CTNNA2: variants seen among roughly 807,000 people sequenced by gnomAD.
CTNNA2 encodes the protein catenin alpha 2.
CTNNA2 carries 42 observed loss-of-function variants against 101.0 expected under a neutral mutation model. That is an observed-to-expected ratio of 0.42 (90% CI 0.32 to 0.54). The LOEUF (loss-of-function observed/expected upper bound fraction) is 0.54. Ranked by LOEUF, CTNNA2 falls within the 20% of genes least tolerant of loss-of-function variation. The pLI, the probability that CTNNA2 is intolerant of heterozygous loss-of-function variation, is 0.14. For missense variants in CTNNA2, 871 were observed against 1,223.1 expected (o/e 0.71, Z 4.29); for synonymous variants, 450 against 456.4 (o/e 0.99, Z 0.18).
At chr2:80,288,825 C>T (rs1424624203) in intron 7 of CTNNA2, 1 of 152,126 alleles carries the variant, frequency 6.6e-6, no homozygotes, top group Admixed American at 6.5e-5. Flanking sequence ...GCTTTCATCC[C>T]AGTTCTTTGG....
chr2:79,624,866 C>A (rs1046890797), intron 1 of CTNNA2, among the ~76,000 whole-genome samples: 1 of 151,992 alleles, frequency 6.6e-6, no homozygotes, highest in Non-Finnish European at 1.5e-5. Flanking sequence ...GGATTTCTGC[C>A]CCAGTCTGGG....
chr2:79,949,286 T>C lies in CTNNA2; in HGVS notation c.1056+39489T>C, dbSNP rs947760335. On this transcript the variant is annotated intron_variant, in intron 7 of 18. Transcript: ENST00000402739. ...GATGAAGGAATAACGTGCGTGGGATTATTGCCTCTGTAATTGTGTAAATGT... is the reference window on the plus strand; with the variant it reads ...GATGAAGGAATAACGTGCGTGGGATCATTGCCTCTGTAATTGTGTAAATGT... Among the ~76,000 whole-genome samples the C allele has an allele frequency of 1.1e-4, 16 of 152,318 alleles. 1 individual carries two copies. In the East Asian group the frequency reaches 3.1e-3, roughly 29 times the overall value.
At chr2:79,369,956 G>A (rs1464096254) in intron 3 of CTNNA2, among the ~76,000 whole-genome samples, 1 of 152,168 alleles carries the variant, frequency 6.6e-6, no homozygotes, top group East Asian at 1.9e-4. Context: ...AAGGTTGTAA[G>A]ATACTTGAGA....
chr2:79,906,176 C>G (rs1311406460), intron 6 of CTNNA2, among the ~76,000 whole-genome samples: 1 of 152,060 alleles, frequency 6.6e-6, no homozygotes, highest in Non-Finnish European at 1.5e-5. Flanking sequence ...TGCATACATA[C>G]TGTACCGACC....
intron 7 of CTNNA2, among the ~76,000 whole-genome samples, chr2:80,279,085 T>TGTGTGTGTGA (rs1016525099): frequency 1.7e-4 from 25 of 144,496 alleles, no homozygotes; most frequent in South Asian, 4.5e-4. Flanking sequence ...TGTGTGTGTG[T>TGTGTGTGTGA]GAAACAGAGA....
chr2:79,369,578 C>T (rs143484532), intron 3 of CTNNA2, among the ~76,000 whole-genome samples: 1 of 152,272 alleles, frequency 6.6e-6, no homozygotes, highest in East Asian at 1.9e-4. Context: ...CAGAAGCTCC[C>T]CCAGGTAGGT....
chr2:79,286,822 T>C (rs1351192537), intron 2 of CTNNA2, among the ~76,000 whole-genome samples: 2 of 152,174 alleles, frequency 1.3e-5, no homozygotes, highest in Non-Finnish European at 2.9e-5. Flanking sequence ...ATTGGGGAAG[T>C]TCTCCTGGAT....
At chr2:80,133,690 G>T (rs1702538459) in intron 7 of CTNNA2, among the ~76,000 whole-genome samples, 1 of 152,132 alleles carries the variant, frequency 6.6e-6, no homozygotes, top group African/African-American at 2.4e-5. Context: ...TCGCAAAATA[G>T]CTCCTGTTGC....
intron 2 of CTNNA2, among the ~76,000 whole-genome samples, chr2:79,252,898 A>G (rs915546566): frequency 2.0e-5 from 3 of 152,102 alleles, no homozygotes; most frequent in Non-Finnish European, 2.9e-5. Flanking sequence ...CCATGCTTTT[A>G]ATCACTATAT....
At chr2:79,246,673 A>C (rs2104264997) in intron 2 of CTNNA2, among the ~76,000 whole-genome samples, 1 of 152,376 alleles carries the variant, frequency 6.6e-6, no homozygotes, top group East Asian at 1.9e-4. Context: ...TTTACATATC[A>C]GCATTCTGTT....
chr2:79,208,943 T>C (rs1022735576), intron 2 of CTNNA2, among the ~76,000 whole-genome samples: 1 of 152,162 alleles, frequency 6.6e-6, no homozygotes. Context: ...TCAAAATATT[T>C]GGTAATGATA....
intron 9 of CTNNA2, among the ~76,000 whole-genome samples, chr2:80,539,392 C>T (rs1325122553): frequency 2.1e-4 from 25 of 120,122 alleles, no homozygotes; most frequent in Non-Finnish European, 3.7e-4. Flanking sequence ...CATGTACTTA[C>T]AAAGTGTGCC....
rs187891378 is a variant in CTNNA2, at chr2:80,243,049, C to T, written c.1057-150162C>T. On this transcript the variant is annotated intron_variant, in intron 7 of 18. Coordinates refer to ENST00000402739, the MANE Select transcript of CTNNA2 (RefSeq NM_001282597.3). ...AGCTAGAGGGTGACTCCACAAGTAT[C>T]GGTCAGGTTGTTTAGAGAAGAGACC... Among the ~76,000 whole-genome samples, 522 of 152,304 alleles carry T rather than the reference C, an allele frequency of 3.4e-3. 4 individuals carry two copies. The highest frequency in any genetic ancestry group is 0.01 in the Middle Eastern group (3 of 294).
chr2:80,271,575 C>A (rs1484676849), intron 7 of CTNNA2, among the ~76,000 whole-genome samples: 1 of 152,170 alleles, frequency 6.6e-6, no homozygotes, highest in African/African-American at 2.4e-5. Flanking sequence ...GCGCAAGCCA[C>A]CACGCCAGGC....
At chr2:79,341,843 T>C (rs1245491633) in intron 3 of CTNNA2, among the ~76,000 whole-genome samples, 2 of 152,210 alleles carry the variant, frequency 1.3e-5, no homozygotes, top group Non-Finnish European at 2.9e-5. Flanking sequence ...GCAAATGATA[T>C]TCTGGCTATT....
chr2:80,048,184 C>A (rs888156655), intron 7 of CTNNA2, among the ~76,000 whole-genome samples: 1 of 152,036 alleles, frequency 6.6e-6, no homozygotes, highest in African/African-American at 2.4e-5. Flanking sequence ...ATATAAACAA[C>A]AAATGATTTT....
chr2:80,292,575 T>C (rs1482462435), intron 7 of CTNNA2, among the ~76,000 whole-genome samples: 2 of 152,114 alleles, frequency 1.3e-5, no homozygotes, highest in African/African-American at 4.8e-5. Flanking sequence ...TGATTAACAC[T>C]CCTATAGGTG....
At chr2:80,157,266 C>T (rs1214866848) in intron 7 of CTNNA2, among the ~76,000 whole-genome samples, 3 of 152,158 alleles carry the variant, frequency 2.0e-5, no homozygotes, top group African/African-American at 7.2e-5. Context: ...CTACCTTTCT[C>T]ACCACTCTGT....
At chr2:79,462,852 T>C (rs763897422) in intron 4 of CTNNA2, among the ~76,000 whole-genome samples, 6 of 152,086 alleles carry the variant, frequency 3.9e-5, no homozygotes, top group Admixed American at 6.5e-5. Context: ...CTGCCCTGTG[T>C]TGTTATTTTG....
Sources: gnomAD v4.1 joint callset for allele counts (sites outside exome capture counted in the v4.1 genomes callset) on GRCh38, gnomAD v4.1.1 for gene constraint, MANE v1.5 for transcripts, NCBI Gene and HGNC (gene_info 2026-07-23, HGNC 2026-07-21) for gene names.